The following PDXK variants were observed in gnomAD, a reference collection of about 807,000 sequenced individuals.
The protein encoded by PDXK is epididymis secretory sperm binding protein Li 1a.
In PDXK, 15 loss-of-function variants were observed where a neutral mutation model predicts 43.2. That is an observed-to-expected ratio of 0.35 (90% confidence interval 0.23 to 0.53). PDXK has a LOEUF of 0.53. Ranked by LOEUF, PDXK falls within the 20% of genes least tolerant of loss-of-function variation. The pLI, the probability that PDXK is intolerant of heterozygous loss-of-function variation, is 0.92. For missense variants in PDXK, 343 were observed against 417.0 expected (o/e 0.82, Z 1.54); for synonymous variants, 172 against 165.4 (o/e 1.04, Z -0.31).
At chr21:43,743,655 T>G in intron 3 of PDXK, 69 bp from the exon 4 acceptor site, 1 of 1,152,164 alleles carries the variant, frequency 8.7e-7, no homozygotes, top group South Asian at 1.2e-5. Context: ...TGCTTCTCTT[T>G]CTTTGTGCCA....
chr21:43,737,982 T>G lies in PDXK; in HGVS notation c.143-3685T>G. On this transcript the variant is annotated intron_variant, in intron 2 of 10. Coordinates refer to ENST00000291565, the MANE Select transcript of PDXK (RefSeq NM_003681.5). This position sits in a 1 kb window ranked among gnomAD's most constrained non-coding sequence, Gnocchi z 4.8. Reference sequence around the variant, plus strand: ...TGCAAGACCATGCCCTCTGTTTCGATAGGAAGCTGGGCCTCAGAGGGGCCT... The same window carrying G: ...TGCAAGACCATGCCCTCTGTTTCGAGAGGAAGCTGGGCCTCAGAGGGGCCT... The G allele has an allele frequency of 3.0e-6, 3 of 985,340 alleles. No homozygotes were observed. The highest frequency in any genetic ancestry group is 3.6e-6 in the Non-Finnish European group (3 of 829,926). 61.0% of individuals were successfully genotyped at this position (985,340 alleles called of 1,614,324 possible). A position where few individuals can be genotyped will look rare whatever the true frequency, so the allele number is the denominator to read the frequency against.
chr21:43,728,635 G>A, intron 1 of PDXK: 1 of 810,522 alleles, frequency 1.2e-6, no homozygotes, highest in Non-Finnish European at 1.5e-6. Flanking sequence ...AGAGTGGGAT[G>A]CTGCCGATAA....
rs1001455649 is a variant in PDXK at position 43,728,707 on chromosome 21, G to T, written c.88-5362G>T. On this transcript the variant is annotated intron_variant, in intron 1 of 10. Transcript: ENST00000291565. ...CCACTCCCGCACGTGGGCAGGAGGA[G>T]GGCTGCTCACACCACCGGCCGAGGG... 13 of 985,500 alleles carry T rather than the reference G, an allele frequency of 1.3e-5. No homozygotes were observed. In the African/African-American group the frequency reaches 1.9e-4, roughly 15 times the overall value. The allele number at this position is 985,500 out of a possible 1,614,324, so 61.0% of individuals were successfully genotyped here.
At position 43,745,347 on chromosome 21, in the gene PDXK, G is replaced by C. The variant is rs944366488; in HGVS notation, c.332-732G>C. Among the ~76,000 whole-genome samples the C allele has an allele frequency of 3.3e-5, 5 of 152,024 alleles. No individual in the cohort carries two copies. The East Asian group carries it at 5.8e-4, about 18-fold the overall frequency. ...AGGCAGGAGAATCACTTGAACCCGGGAGGCGGAGGTTGCAGTGAGCCAAGA... is the reference window on the plus strand; with the variant it reads ...AGGCAGGAGAATCACTTGAACCCGGCAGGCGGAGGTTGCAGTGAGCCAAGA... On this transcript the variant is annotated intron_variant, in intron 4 of 10. Transcript: ENST00000291565.
chr21:43,720,490 G>C (rs1029279659), intron 1 of PDXK, among the ~76,000 whole-genome samples: 4 of 152,218 alleles, frequency 2.6e-5, no homozygotes, highest in Admixed American at 6.5e-5. Context: ...GTTGAGCGTG[G>C]AAAGGCAGGG....
In PDXK at chr21:43,735,585, C is replaced by G. The variant is rs1305623799; in HGVS notation, c.142+1462C>G. On this transcript the variant is annotated intron_variant, in intron 2 of 10. Coordinates refer to ENST00000291565, the MANE Select transcript of PDXK (RefSeq NM_003681.5). This position sits in a 1 kb window ranked among gnomAD's most constrained non-coding sequence, Gnocchi z 5.3. ...CACAGTTGCAGAGCCAGGCAGACAG[C>G]CTGGGGGTGTCCCTTCCCATGGGGT... is the stretch of plus-strand genomic sequence containing the variant. Among the ~76,000 whole-genome samples the G allele has an allele frequency of 6.6e-6, 1 of 152,182 alleles. No individual in the cohort carries two copies. The highest frequency in any genetic ancestry group is 1.5e-5 in the Non-Finnish European group (1 of 68,022).
At position 43,761,532 on chromosome 21, in the gene PDXK, A is replaced by T. The variant is rs2083932030; in HGVS notation, c.*5469A>T. Reference sequence around the variant, plus strand: ...CTGCCTGGGAAACCTGTCCTAAGTAAAACTATGGACCTCGCCTCGCCCACC... The same window carrying T: ...CTGCCTGGGAAACCTGTCCTAAGTATAACTATGGACCTCGCCTCGCCCACC... On this transcript the variant is annotated 3_prime_UTR_variant, in exon 11 of 11. Transcript: ENST00000291565. 1 of 155,620 alleles carries T rather than the reference A, an allele frequency of 6.4e-6. No homozygotes were observed. The highest frequency in any genetic ancestry group is 1.4e-5 in the Non-Finnish European group (1 of 69,496). The allele number at this position is 155,620 out of a possible 1,614,324, so 9.6% of individuals were successfully genotyped here.
intron 1 of PDXK, among the ~76,000 whole-genome samples, chr21:43,731,450 C>G (rs910507544): frequency 7.9e-5 from 12 of 152,212 alleles, no homozygotes; most frequent in Non-Finnish European, 1.2e-4. Context: ...TCTTAGAATT[C>G]TGCCACGGAA....
At chr21:43,752,204 CA>C (rs2083764990) in intron 7 of PDXK, among the ~76,000 whole-genome samples, 1 of 152,214 alleles carries the variant, frequency 6.6e-6, no homozygotes, top group Non-Finnish European at 1.5e-5. Flanking sequence ...AGCCAACGTA[CA>C]GAGGGGCCAG....
rs1467617031 is a variant in PDXK, at chr21:43,732,912, A to G, written c.88-1157A>G. Among the ~76,000 whole-genome samples, 2 of 151,740 alleles carry G rather than the reference A, an allele frequency of 1.3e-5. No individual in the cohort carries two copies. Among genetic ancestry groups the G allele is most frequent in the Non-Finnish European group, 1.5e-5 (1 of 67,940 alleles). On this transcript the variant is annotated intron_variant, in intron 1 of 10. Transcript: ENST00000291565. The surrounding 1 kb of genome is among the most constrained non-coding windows in gnomAD (Gnocchi z 4.1). Reference sequence around the variant, plus strand: ...CAGACATGTGCCACCACGCCCGGCTAATTTCTGTATTTTTTGTAGAGACAG... The same window carrying G: ...CAGACATGTGCCACCACGCCCGGCTGATTTCTGTATTTTTTGTAGAGACAG...
chr21:43,736,974 G>A (rs1204051447), intron 2 of PDXK: 8 of 701,278 alleles, frequency 1.1e-5, no homozygotes, highest in Admixed American at 2.0e-5. Context: ...GGTCTCTGTC[G>A]CCCAGGCTGG....
intron 7 of PDXK, among the ~76,000 whole-genome samples, chr21:43,751,580 A>G (rs181454737): frequency 6.6e-6 from 1 of 152,302 alleles, no homozygotes; most frequent in Non-Finnish European, 1.5e-5. Context: ...AAAACAAAAC[A>G]GAACTTTGTT....
At chr21:43,728,689 C>T (rs1601785820) in intron 1 of PDXK, 8 of 984,256 alleles carry the variant, frequency 8.1e-6, no homozygotes, top group Non-Finnish European at 9.7e-6. Context: ...CAGCCACTCC[C>T]GCACGTGGGC....
chr21:43,731,185 T>C (rs2083312786), intron 1 of PDXK, among the ~76,000 whole-genome samples: 3 of 152,330 alleles, frequency 2.0e-5, no homozygotes, highest in Middle Eastern at 3.4e-3. Context: ...ACCTGCACTA[T>C]TGCATCTGGC....
rs2083719950 is a variant in PDXK at position 43,750,642 on chromosome 21, C to T, written c.510+97C>T. ...GAGTGGCACCACTGTGTCATTTCTC[C>T]CCAGCAGTGACTGAACAGTCTGTAC... On this transcript the variant is annotated intron_variant, in intron 7 of 10. Coordinates refer to ENST00000291565, the MANE Select transcript of PDXK (RefSeq NM_003681.5). 7.6e-6 allele frequency: 7 copies of T among 921,614 alleles called. No individual in the cohort carries two copies. The East Asian group carries it at 1.0e-4, about 14-fold the overall frequency. The allele number at this position is 921,614 out of a possible 1,614,324, so 57.1% of individuals were successfully genotyped here.
chr21:43,735,522 C>T lies in PDXK; in HGVS notation c.142+1399C>T, dbSNP rs372165456. Among the ~76,000 whole-genome samples, 24 of 152,284 alleles carry T rather than the reference C, an allele frequency of 1.6e-4. No homozygotes were observed. The East Asian group carries it at 4.1e-3, about 26-fold the overall frequency. ...GGGTCTCTGGTCTGCCCTCAGGGGA[C>T]TGGGATGAGGACAGGACCCCAGGCG... On this transcript the variant is annotated intron_variant, in intron 2 of 10. Coordinates refer to ENST00000291565, the MANE Select transcript of PDXK (RefSeq NM_003681.5). This position sits in a 1 kb window ranked among gnomAD's most constrained non-coding sequence, Gnocchi z 5.3.
intron 1 of PDXK, among the ~76,000 whole-genome samples, chr21:43,725,961 G>A (rs918360883): frequency 1.3e-5 from 2 of 152,120 alleles, no homozygotes; most frequent in Non-Finnish European, 2.9e-5. Flanking sequence ...ACGTTCCCAC[G>A]TGCTCTCCAG....
At position 43,754,837 on chromosome 21, in the gene PDXK, C is replaced by A. The variant is rs116314609; in HGVS notation, c.760-861C>A. ...GGGCCACGTGTCCCCCGGGGTACAC[C>A]TCCTCCCCAACAAGTCAGTTTCAGC... On this transcript the variant is annotated intron_variant, in intron 9 of 10. Coordinates refer to ENST00000291565, the MANE Select transcript of PDXK (RefSeq NM_003681.5). This position sits in a 1 kb window ranked among gnomAD's most constrained non-coding sequence, Gnocchi z 5.5. Among the ~76,000 whole-genome samples, 244 of 152,252 alleles carry A rather than the reference C, an allele frequency of 1.6e-3. 1 individual carries two copies. Among genetic ancestry groups the A allele is most frequent in the African/African-American group, 5.6e-3 (233 of 41,554 alleles).
intron 6 of PDXK, 36 bp downstream of exon 6, chr21:43,749,116 A>G (rs2083689847): frequency 7.5e-7 from 1 of 1,336,092 alleles, no homozygotes; most frequent in East Asian, 2.5e-5. Context: ...TTATTTATTT[A>G]TTTTTCAAGA....
Sources: gnomAD v4.1 joint callset for allele counts (sites outside exome capture counted in the v4.1 genomes callset) on GRCh38, gnomAD v4.1.1 for gene constraint, Gnocchi (gnomAD v3.1) non-coding constraint, MANE v1.5 for transcripts, NCBI Gene and HGNC (gene_info 2026-07-23, HGNC 2026-07-21) for gene names.